FGGY: variants seen among roughly 807,000 people sequenced by gnomAD.
The protein encoded by FGGY is FGGY carbohydrate kinase domain-containing protein.
FGGY carries 72 observed loss-of-function variants against 71.3 expected under a neutral mutation model. That is an observed-to-expected ratio of 1.01 (90% CI 0.84 to 1.23). The LOEUF (loss-of-function observed/expected upper bound fraction) is 1.23, where lower values mean the gene tolerates loss of function less well. Ranked by LOEUF, FGGY falls within the 50% of genes most tolerant of loss-of-function variation. FGGY has a pLI of 0.00. For synonymous variants in FGGY, 251 were observed against 250.3 expected (o/e 1.00, Z -0.02); for missense variants, 668 against 682.3 (o/e 0.98, Z 0.23).
At chr1:59,593,405 G>A (rs1402392711) in intron 8 of FGGY, among the ~76,000 whole-genome samples, 1 of 152,150 alleles carries the variant, frequency 6.6e-6, no homozygotes, top group East Asian at 1.9e-4. Flanking sequence ...CCACTCAGAG[G>A]TCTGACATTT....
intron 6 of FGGY, among the ~76,000 whole-genome samples, chr1:59,498,111 TAGG>T (rs1336152082): frequency 1.3e-5 from 2 of 152,204 alleles, no homozygotes; most frequent in African/African-American, 4.8e-5. Context: ...TTATTGTTAT[TAGG>T]AGATTAATAA....
chr1:59,754,228 T>C (rs888738624), intron 14 of FGGY, among the ~76,000 whole-genome samples: 4 of 152,242 alleles, frequency 2.6e-5, no homozygotes, highest in Non-Finnish European at 5.9e-5. Flanking sequence ...TGTTTACAGC[T>C]AGCTCTGATT....
intron 7 of FGGY, among the ~76,000 whole-genome samples, chr1:59,553,679 C>T (rs749039912): frequency 1.3e-5 from 2 of 152,142 alleles, no homozygotes; most frequent in Admixed American, 6.5e-5. Flanking sequence ...CATTTGGCTC[C>T]GCTCCTTCTT....
intron 7 of FGGY, among the ~76,000 whole-genome samples, chr1:59,548,855 A>G (rs976099471): frequency 1.3e-5 from 2 of 152,162 alleles, no homozygotes; most frequent in African/African-American, 4.8e-5. Context: ...TTACACCTAT[A>G]TTAACATATA....
intron 6 of FGGY, among the ~76,000 whole-genome samples, chr1:59,486,531 C>G (rs1569896718): frequency 6.6e-6 from 1 of 152,096 alleles, no homozygotes; most frequent in Admixed American, 6.6e-5. Context: ...AGGCTCTTCC[C>G]CCTTCTGGCT....
rs1005876321 is a variant in FGGY, at chr1:59,601,932, G to A, written c.904-5871G>A. Among the ~76,000 whole-genome samples, 6 of 152,200 alleles carry A rather than the reference G, an allele frequency of 3.9e-5. 2 individuals carry two copies. ...GGTTATGGAGCAAAGCAAGTACTAG[G>A]GGTACTACCAACAGAGCAAAGTAAG... On this transcript the variant is annotated intron_variant, in intron 8 of 15. Transcript: ENST00000303721.
rs371048464 is a variant in FGGY, at chr1:59,410,090, T to C, written c.554+31253T>C. Among the ~76,000 whole-genome samples, 511 of 152,364 alleles carry C rather than the reference T, an allele frequency of 3.4e-3. 1 individual carries two copies. Among genetic ancestry groups the C allele is most frequent in the African/African-American group, 0.011 (477 of 41,582 alleles). On this transcript the variant is annotated intron_variant, in intron 5 of 15. Coordinates refer to ENST00000303721, the MANE Select transcript of FGGY (RefSeq NM_018291.5). ...GGAAGGCCATTGGTATGAGGCCACT[T>C]GAAATAGACATGGTAGATATGTGGC...
chr1:59,449,041 C>T (rs2072006131), intron 5 of FGGY, among the ~76,000 whole-genome samples: 1 of 152,258 alleles, frequency 6.6e-6, no homozygotes, highest in South Asian at 2.1e-4. Flanking sequence ...ATTTCATATA[C>T]AGTTTTTGCA....
intron 1 of FGGY, among the ~76,000 whole-genome samples, chr1:59,316,956 C>T (rs952953520): frequency 6.6e-6 from 1 of 152,158 alleles, no homozygotes; most frequent in Non-Finnish European, 1.5e-5. Flanking sequence ...AATGAAACCC[C>T]AGTTCCGACT....
intron 7 of FGGY, among the ~76,000 whole-genome samples, chr1:59,548,534 G>A (rs2095560479): frequency 6.6e-6 from 1 of 152,116 alleles, no homozygotes; most frequent in Non-Finnish European, 1.5e-5. Flanking sequence ...AGGGATTCAA[G>A]TCTAACTCTG....
At chr1:59,326,202 C>G (rs978403781) in intron 2 of FGGY, among the ~76,000 whole-genome samples, 1 of 152,172 alleles carries the variant, frequency 6.6e-6, no homozygotes, top group Non-Finnish European at 1.5e-5. Context: ...ATGCTCTTTG[C>G]TAAGCATTGG....
chr1:59,648,542 GTCT>G (rs2097123284), intron 11 of FGGY, among the ~76,000 whole-genome samples: 1 of 143,328 alleles, frequency 7.0e-6, no homozygotes, highest in Non-Finnish European at 1.5e-5. Flanking sequence ...CTGCATAAAT[GTCT>G]TCTTTTGAGA....
intron 8 of FGGY, among the ~76,000 whole-genome samples, chr1:59,576,594 C>A (rs1169507106): frequency 6.6e-6 from 1 of 151,356 alleles, no homozygotes; most frequent in African/African-American, 2.4e-5. Flanking sequence ...CATCTTATTT[C>A]TAATCTTAGA....
intron 3 of FGGY, among the ~76,000 whole-genome samples, chr1:59,344,658 G>T (rs1325559058): frequency 6.6e-6 from 1 of 152,074 alleles, no homozygotes; most frequent in African/African-American, 2.4e-5. Flanking sequence ...GATGTAAAAT[G>T]GCATCGTATT....
At chr1:59,493,140 A>T (rs2093929642) in intron 6 of FGGY, among the ~76,000 whole-genome samples, 1 of 101,740 alleles carries the variant, frequency 9.8e-6, no homozygotes, top group Non-Finnish European at 2.4e-5. Context: ...CAAAACAGAA[A>T]GTAAGTGTTG....
chr1:59,630,441 A>C (rs2096898200), intron 10 of FGGY, among the ~76,000 whole-genome samples: 2 of 152,184 alleles, frequency 1.3e-5, no homozygotes, highest in Admixed American at 1.3e-4. Flanking sequence ...ACTGTGAATT[A>C]GAGTCCTTGA....
chr1:59,596,672 A>G (rs2096527964), intron 8 of FGGY, among the ~76,000 whole-genome samples: 1 of 152,192 alleles, frequency 6.6e-6, no homozygotes, highest in Admixed American at 6.5e-5. Context: ...CCTTTCACAG[A>G]TAGGTCACCC....
chr1:59,610,698 C>T (rs1024222088), intron 9 of FGGY, among the ~76,000 whole-genome samples: 4 of 152,218 alleles, frequency 2.6e-5, no homozygotes, highest in African/African-American at 7.2e-5. Flanking sequence ...AGACCGTGAG[C>T]CGAAGCAGGG....
intron 14 of FGGY, among the ~76,000 whole-genome samples, chr1:59,726,891 T>A (rs188414485): frequency 1.3e-5 from 2 of 152,332 alleles, no homozygotes; most frequent in East Asian, 3.9e-4. Context: ...TTTAAAATTT[T>A]AATTTCAACT....
Sources: allele counts gnomAD v4.1 joint callset (sites outside exome capture counted in the v4.1 genomes callset), GRCh38; gene constraint gnomAD v4.1.1; transcripts MANE v1.5; gene names NCBI Gene and HGNC (gene_info 2026-07-23, HGNC 2026-07-21).